CORIN: variants seen among roughly 807,000 people sequenced by gnomAD.
CORIN encodes corin, serine peptidase.
A neutral mutation model predicts 125.3 loss-of-function variants in CORIN; 117 were observed. That is an observed-to-expected ratio of 0.93 (90% confidence interval 0.80 to 1.09). CORIN has a LOEUF of 1.09. Ranked by LOEUF, CORIN falls within the 50% of genes least tolerant of loss-of-function variation. CORIN has a pLI of 0.00. For synonymous variants in CORIN, 450 were observed against 466.4 expected (o/e 0.96, Z 0.45); for missense variants, 1,253 against 1,306.7 (o/e 0.96, Z 0.63).
chr4:47,617,467 A>C (rs1424923613), intron 19 of CORIN, among the ~76,000 whole-genome samples: 5 of 152,186 alleles, frequency 3.3e-5, no homozygotes, highest in Non-Finnish European at 7.4e-5. Flanking sequence ...TATATCCTAG[A>C]CCCAGACATT....
chr4:47,798,971 T>C (rs1265380891), intron 2 of CORIN, among the ~76,000 whole-genome samples: 1 of 152,164 alleles, frequency 6.6e-6, no homozygotes, highest in African/African-American at 2.4e-5. Flanking sequence ...TAGCTCCTTC[T>C]TATAAGTGAG....
At chr4:47,827,192 A>G (rs566048592) in intron 1 of CORIN, among the ~76,000 whole-genome samples, 4 of 152,308 alleles carry the variant, frequency 2.6e-5, no homozygotes, top group Admixed American at 2.0e-4. Flanking sequence ...TACTTATAAG[A>G]GAGCCCAGAC....
intron 19 of CORIN, among the ~76,000 whole-genome samples, chr4:47,609,388 C>G (rs6847127): frequency 1.3e-5 from 2 of 151,934 alleles, no homozygotes; most frequent in Non-Finnish European, 2.9e-5. Context: ...TACAGGCACC[C>G]GCCACCATGC....
chr4:47,769,133 T>C (rs568304209), intron 3 of CORIN, among the ~76,000 whole-genome samples: 62 of 152,272 alleles, frequency 4.1e-4, no homozygotes, highest in African/African-American at 1.4e-3. Flanking sequence ...AAAAGTAGTA[T>C]GTTCAAAATC....
intron 5 of CORIN, among the ~76,000 whole-genome samples, chr4:47,734,351 G>A (rs17573184): frequency 0.014 from 2,146 of 152,194 alleles, 21 homozygotes; most frequent in Non-Finnish European, 0.024. Context: ...TCATTTCATC[G>A]GCTAATTAGG....
intron 1 of CORIN, among the ~76,000 whole-genome samples, chr4:47,810,009 C>T (rs139004531): frequency 0.012 from 1,815 of 152,314 alleles, 16 homozygotes; most frequent in Non-Finnish European, 0.018. Context: ...TCCACAAGCA[C>T]CTTCCTCAGC....
rs374941041 is a variant in CORIN, at chr4:47,623,964, T to A, written c.2316-16A>T. On this transcript the variant is annotated splice_polypyrimidine_tract_variant and intron_variant, in intron 17 of 21. Coordinates refer to ENST00000273857, the MANE Select transcript of CORIN (RefSeq NM_006587.4). ...ACAAGACTGCCTGGATTTGGAAACA[T>A]AAAATGGTATAACATTAAGTTACAT... 38 of 1,605,484 alleles carry A rather than the reference T, an allele frequency of 2.4e-5. No individual in the cohort carries two copies. In the African/African-American group the frequency reaches 4.4e-4, roughly 19 times the overall value.
At chr4:47,660,026 G>GT (rs1724173381) in intron 12 of CORIN, among the ~76,000 whole-genome samples, 1 of 152,044 alleles carries the variant, frequency 6.6e-6, no homozygotes, top group African/African-American at 2.4e-5. Flanking sequence ...ACTGAGAAAA[G>GT]AACTCATACA....
At chr4:47,606,773 CTTCT>C (rs1293609479) in intron 19 of CORIN, among the ~76,000 whole-genome samples, 2 of 150,476 alleles carry the variant, frequency 1.3e-5, no homozygotes, top group East Asian at 1.9e-4. Flanking sequence ...TCTCTCCTTT[CTTCT>C]TTCTCTCGTT....
chr4:47,638,554 T>C (rs1723116118), intron 16 of CORIN, among the ~76,000 whole-genome samples: 2 of 152,204 alleles, frequency 1.3e-5, no homozygotes, highest in Non-Finnish European at 2.9e-5. Flanking sequence ...CACAAGATCA[T>C]ATGGTTTTAA....
chr4:47,745,005 T>A (rs1728598125), intron 4 of CORIN, among the ~76,000 whole-genome samples: 1 of 152,198 alleles, frequency 6.6e-6, no homozygotes, highest in Admixed American at 6.5e-5. Flanking sequence ...TTCAAGTATC[T>A]CTGAGTGGCA....
intron 5 of CORIN, among the ~76,000 whole-genome samples, chr4:47,701,220 C>T (rs1161728300): frequency 6.6e-6 from 1 of 152,216 alleles, no homozygotes; most frequent in East Asian, 1.9e-4. Context: ...GACAACAATA[C>T]AACTCTTTCA....
intron 19 of CORIN, among the ~76,000 whole-genome samples, chr4:47,623,069 C>CCTCTATCTCT (rs1722386219): frequency 1.1e-5 from 1 of 93,612 alleles, no homozygotes; most frequent in African/African-American, 5.6e-5. Context: ...CATAACATAA[C>CCTCTATCTCT]CTCTCTCTCT....
At chr4:47,836,032 G>C (rs1396218188) in intron 1 of CORIN, among the ~76,000 whole-genome samples, 1 of 152,000 alleles carries the variant, frequency 6.6e-6, no homozygotes, top group East Asian at 1.9e-4. Flanking sequence ...ATAGAATCTT[G>C]GGGTTTTGAG....
At chr4:47,603,230 T>C (rs1721516460) in intron 20 of CORIN, among the ~76,000 whole-genome samples, 167 bp downstream of exon 20, 3 of 152,292 alleles carry the variant, frequency 2.0e-5, no homozygotes, top group East Asian at 1.9e-4. Flanking sequence ...GCTGCTGCCA[T>C]GTGAAGAAGG....
intron 4 of CORIN, among the ~76,000 whole-genome samples, chr4:47,758,023 C>T (rs1031536336): frequency 2.6e-5 from 4 of 151,626 alleles, no homozygotes; most frequent in Non-Finnish European, 5.9e-5. Flanking sequence ...ATGCCATCCT[C>T]CTGCCTCAGC....
chr4:47,739,761 A>C (rs537065094), intron 5 of CORIN, among the ~76,000 whole-genome samples: 3 of 152,104 alleles, frequency 2.0e-5, no homozygotes, highest in African/African-American at 7.2e-5. Flanking sequence ...AGATTATATT[A>C]TATAAAGATG....
At chr4:47,805,135 CAAAA>C (rs755747242) in intron 2 of CORIN, among the ~76,000 whole-genome samples, 4 of 129,416 alleles carry the variant, frequency 3.1e-5, no homozygotes, top group African/African-American at 1.2e-4. Flanking sequence ...GACTCCATCT[CAAAA>C]AAAAAAAAAA....
chr4:47,623,861 A>G, intron 18 of CORIN, 38 bp downstream of exon 18: 1 of 1,607,462 alleles, frequency 6.2e-7, no homozygotes, highest in Non-Finnish European at 8.5e-7. Flanking sequence ...CAGTTCAATT[A>G]AGTTCATATC....
Sources: allele counts gnomAD v4.1 joint callset (sites outside exome capture counted in the v4.1 genomes callset), GRCh38; gene constraint gnomAD v4.1.1; transcripts MANE v1.5; gene names NCBI Gene and HGNC (gene_info 2026-07-23, HGNC 2026-07-21).